IL19: variants seen among roughly 807,000 people sequenced by gnomAD.
IL19 encodes interleukin-19.
In IL19, 15 loss-of-function variants were observed where a neutral mutation model predicts 19.5. That is an observed-to-expected ratio of 0.77 (90% confidence interval 0.52 to 1.19). The LOEUF is 1.19. Among genes scored for constraint, IL19 ranks in the 50% most tolerant of loss-of-function variants. The probability of loss-of-function intolerance (pLI) is 0.00; values close to 1 mark genes in which losing one functional copy is unlikely to be tolerated. For missense variants in IL19, 199 were observed against 213.1 expected (o/e 0.93, Z 0.41); for synonymous variants, 78 against 78.3 (o/e 1.00, Z 0.02).
At chr1:206,776,562 G>A (rs1423653379) in intron 1 of IL19, among the ~76,000 whole-genome samples, 1 of 152,020 alleles carries the variant, frequency 6.6e-6, no homozygotes, top group Non-Finnish European at 1.5e-5. Context: ...CAGCACTTGG[G>A]TTTTCCTGTT....
chr1:206,796,399 C>T (rs1675523445), intron 1 of IL19, among the ~76,000 whole-genome samples: 1 of 152,160 alleles, frequency 6.6e-6, no homozygotes, highest in Non-Finnish European at 1.5e-5. Context: ...CATAAATTAG[C>T]CATCACAATC....
chr1:206,840,045 C>A (rs774842315), intron 5 of IL19, 43 bp downstream of exon 5: 1 of 1,611,106 alleles, frequency 6.2e-7, no homozygotes, highest in South Asian at 1.1e-5. Flanking sequence ...TCCCTGTCTG[C>A]CCAAGGAGAG....
chr1:206,832,109 C>A (rs1057271565), intron 2 of IL19, among the ~76,000 whole-genome samples: 3 of 152,224 alleles, frequency 2.0e-5, no homozygotes, highest in African/African-American at 7.2e-5. Flanking sequence ...CTGGGGGAAA[C>A]AAGGGTGGGA....
At chr1:206,828,616 T>C (rs1676501385) in intron 2 of IL19, among the ~76,000 whole-genome samples, 1 of 152,136 alleles carries the variant, frequency 6.6e-6, no homozygotes, top group African/African-American at 2.4e-5. Context: ...TTGAACCCAA[T>C]ACCATTCTCT....
chr1:206,836,056 C>T (rs1389098635), intron 2 of IL19, among the ~76,000 whole-genome samples: 1 of 152,242 alleles, frequency 6.6e-6, no homozygotes, highest in African/African-American at 2.4e-5. Context: ...GGCTTCTTCC[C>T]CTAGCTCCTT....
At chr1:206,784,874 C>CGAG (rs1444581846) in intron 1 of IL19, among the ~76,000 whole-genome samples, 1 of 152,310 alleles carries the variant, frequency 6.6e-6, no homozygotes, top group Admixed American at 6.5e-5. Flanking sequence ...AGGCCTATGC[C>CGAG]GAGGAGGAAG....
chr1:206,841,404 T>TA (rs1223243561), intron 6 of IL19, among the ~76,000 whole-genome samples: 6 of 152,348 alleles, frequency 3.9e-5, no homozygotes, highest in Admixed American at 3.3e-4. Context: ...TGTGAGCTGT[T>TA]ACGCCTGAAA....
At chr1:206,814,114 C>A (rs188025111) in intron 2 of IL19, among the ~76,000 whole-genome samples, 20 of 152,108 alleles carry the variant, frequency 1.3e-4, no homozygotes, top group African/African-American at 4.8e-4. Flanking sequence ...TATCTTTGTA[C>A]CTATTTGCAT....
intron 2 of IL19, among the ~76,000 whole-genome samples, chr1:206,824,203 G>T (rs1444710881): frequency 6.6e-6 from 1 of 152,194 alleles, no homozygotes; most frequent in Non-Finnish European, 1.5e-5. Flanking sequence ...ACGGAGTTAA[G>T]AAGCCTAGGT....
intron 1 of IL19, among the ~76,000 whole-genome samples, chr1:206,794,981 TTG>T (rs1675488193): frequency 6.6e-6 from 1 of 152,188 alleles, no homozygotes; most frequent in African/African-American, 2.4e-5. Flanking sequence ...CAAAACTGCT[TTG>T]TGCCTGGCAG....
intron 2 of IL19, among the ~76,000 whole-genome samples, chr1:206,804,379 G>C (rs1190789996): frequency 6.6e-6 from 1 of 152,090 alleles, no homozygotes; most frequent in Non-Finnish European, 1.5e-5. Flanking sequence ...TTTTCAAATT[G>C]TTGTTTTCTT....
intron 6 of IL19, 73 bp from the exon 7 acceptor site, chr1:206,842,454 A>AT: frequency 1.2e-6 from 1 of 869,544 alleles, no homozygotes; most frequent in South Asian, 1.6e-5. Context: ...GGGAACCAGC[A>AT]TATGAAGAAA....
intron 2 of IL19, among the ~76,000 whole-genome samples, chr1:206,809,396 G>A (rs1283510161): frequency 6.6e-6 from 1 of 152,176 alleles, no homozygotes; most frequent in Non-Finnish European, 1.5e-5. Context: ...GATGCTGTCT[G>A]TGGGCCTGAC....
At chr1:206,817,280 A>G (rs531989931) in intron 2 of IL19, among the ~76,000 whole-genome samples, 18 of 152,184 alleles carry the variant, frequency 1.2e-4, no homozygotes, top group Non-Finnish European at 1.6e-4. Flanking sequence ...TCCTTCCACC[A>G]ATCACCTACT....
At chr1:206,831,839 A>G (rs1332557538) in intron 2 of IL19, among the ~76,000 whole-genome samples, 1 of 152,254 alleles carries the variant, frequency 6.6e-6, no homozygotes, top group African/African-American at 2.4e-5. Context: ...AAGAGGAGCT[A>G]TAAACACATC....
At chr1:206,810,876 C>G (rs1373143412) in intron 2 of IL19, among the ~76,000 whole-genome samples, 1 of 152,178 alleles carries the variant, frequency 6.6e-6, no homozygotes, top group Non-Finnish European at 1.5e-5. Flanking sequence ...ATTTGTTCAC[C>G]TGAGAGCTAG....
At chr1:206,776,579 G>C (rs1048104112) in intron 1 of IL19, among the ~76,000 whole-genome samples, 1 of 152,044 alleles carries the variant, frequency 6.6e-6, no homozygotes. Flanking sequence ...TGTTGAGAGC[G>C]GGGACTGAGA....
chr1:206,811,464 AGTT>A (rs1676009560), intron 2 of IL19, among the ~76,000 whole-genome samples: 1 of 131,278 alleles, frequency 7.6e-6, no homozygotes, highest in South Asian at 2.3e-4. Context: ...AAAAAAAAAA[AGTT>A]TGGTGACCAA....
At chr1:206,810,037 C>T (rs1055638329) in intron 2 of IL19, among the ~76,000 whole-genome samples, 1 of 152,158 alleles carries the variant, frequency 6.6e-6, no homozygotes, top group African/African-American at 2.4e-5. Flanking sequence ...CCATTAGGGT[C>T]GGATCTCACC....
Sources: allele counts gnomAD v4.1 joint callset (sites outside exome capture counted in the v4.1 genomes callset), GRCh38; gene constraint gnomAD v4.1.1; transcripts MANE v1.5; gene names NCBI Gene and HGNC (gene_info 2026-07-23, HGNC 2026-07-21).